Variants in FARP2 observed in about 807,000 individuals in gnomAD.
The protein encoded by FARP2 is FERM, ARH/RhoGEF and pleckstrin domain protein 2.
FARP2 carries 111 observed loss-of-function variants against 130.5 expected under a neutral mutation model. The ratio of observed to expected loss-of-function variants is 0.85; its 90% confidence interval spans 0.73 to 1.00. FARP2 has a LOEUF of 1.00. FARP2 is among the 50% of genes least tolerant of loss of function. The pLI is 0.00. For missense variants in FARP2, 1,385 were observed against 1,346.3 expected, an observed-to-expected ratio of 1.03 and a Z score of -0.45; for synonymous variants, 504 against 516.9, an observed-to-expected ratio of 0.98 and a Z score of 0.34.
intron 13 of FARP2, among the ~76,000 whole-genome samples, chr2:241,453,602 AAAG>A: frequency 6.6e-6 from 1 of 151,286 alleles, no homozygotes; most frequent in Non-Finnish European, 1.5e-5. Context: ...AGCCTGGGTG[AAAG>A]AGCGAGACTC....
intron 2 of FARP2, among the ~76,000 whole-genome samples, chr2:241,381,044 G>T (rs2150313003): frequency 6.6e-6 from 1 of 152,208 alleles, no homozygotes; most frequent in Non-Finnish European, 1.5e-5. Context: ...CTCTTCCAGG[G>T]CTGGAGATTA....
In FARP2 at chr2:241,494,314, C is replaced by T. The variant is rs566318860; in HGVS notation, c.*189C>T. ...TCATCCCCCCACCCAGGACCTAGTG[C>T]ATGCCAGCAGCTATCTGGGGCCCTG... On this transcript the variant is annotated 3_prime_UTR_variant, in exon 27 of 27. Coordinates refer to ENST00000264042, the MANE Select transcript of FARP2 (RefSeq NM_014808.4). This position sits in a 1 kb window ranked among gnomAD's most constrained non-coding sequence, Gnocchi z 4.9. 1.2e-5 allele frequency: 5 copies of T among 401,546 alleles called. No individual in the cohort carries two copies. Among genetic ancestry groups the T allele is most frequent in the South Asian group, 1.2e-4 (1 of 8,208 alleles). The allele number at this position is 401,546 out of a possible 1,614,324, so 24.9% of individuals were successfully genotyped here. A position where few individuals can be genotyped will look rare whatever the true frequency, so the allele number is the denominator to read the frequency against.
intron 13 of FARP2, 105 bp downstream of exon 13, chr2:241,441,661 A>G (rs2063387581): frequency 2.0e-6 from 3 of 1,489,712 alleles, no homozygotes; most frequent in African/African-American, 1.4e-5. Flanking sequence ...TAGGGAGCTC[A>G]GCGCTGCTTG....
intron 2 of FARP2, among the ~76,000 whole-genome samples, chr2:241,384,286 A>G (rs989603268): frequency 3.3e-5 from 5 of 152,294 alleles, no homozygotes; most frequent in South Asian, 2.1e-4. Context: ...TTCTATGCAC[A>G]TGAATGATGC....
At chr2:241,415,515 T>G (rs1239901699) in intron 7 of FARP2, among the ~76,000 whole-genome samples, 7 of 152,012 alleles carry the variant, frequency 4.6e-5, no homozygotes, top group Non-Finnish European at 5.9e-5. Flanking sequence ...CCCTAGTGGA[T>G]GGGTGGGTTT....
intron 1 of FARP2, among the ~76,000 whole-genome samples, chr2:241,367,073 G>A (rs2061334177): frequency 6.6e-6 from 1 of 152,080 alleles, no homozygotes; most frequent in South Asian, 2.1e-4. Flanking sequence ...GGTGTTTGAG[G>A]GACAGGGTTG....
intron 18 of FARP2, among the ~76,000 whole-genome samples, chr2:241,470,424 C>T (rs1176510879): frequency 6.6e-6 from 1 of 151,048 alleles, no homozygotes; most frequent in Non-Finnish European, 1.5e-5. Flanking sequence ...TGGGGATGCG[C>T]TCTGAAGGGA....
intron 26 of FARP2, 55 bp from the exon 27 acceptor site, chr2:241,493,953 G>A: frequency 8.8e-7 from 1 of 1,137,432 alleles, no homozygotes; most frequent in Non-Finnish European, 1.2e-6. Flanking sequence ...TTGTTCTTGG[G>A]ACAGTGTCTG....
At chr2:241,468,767 A>C (rs754857350) in intron 18 of FARP2, among the ~76,000 whole-genome samples, 3 of 152,232 alleles carry the variant, frequency 2.0e-5, no homozygotes, top group Non-Finnish European at 4.4e-5. Context: ...CCTGCTGCCT[A>C]TGGATGTTTC....
intron 21 of FARP2, among the ~76,000 whole-genome samples, chr2:241,487,488 C>T (rs1173965145): frequency 2.0e-5 from 3 of 151,140 alleles, no homozygotes; most frequent in Admixed American, 6.6e-5. Context: ...GCCAACAGGG[C>T]GAAACCCTGT....
At chr2:241,463,640 T>C (rs1432832582) in intron 16 of FARP2, 172 bp downstream of exon 16, 8 of 762,884 alleles carry the variant, frequency 1.0e-5, no homozygotes, top group Non-Finnish European at 1.7e-5. Flanking sequence ...TTATTCACCC[T>C]CTTCCAGAAA....
chr2:241,490,183 T>C, intron 22 of FARP2, 139 bp downstream of exon 22: 1 of 648,646 alleles, frequency 1.5e-6, no homozygotes, highest in Non-Finnish European at 2.8e-6. Context: ...CTCTGAGCTC[T>C]GCTTCCAAGT....
At chr2:241,361,448 A>G (rs915610459) in intron 1 of FARP2, among the ~76,000 whole-genome samples, 2 of 152,226 alleles carry the variant, frequency 1.3e-5, no homozygotes, top group African/African-American at 4.8e-5. Flanking sequence ...CCTTACGTGG[A>G]TCTCAAAAAT....
At chr2:241,484,821 T>G (rs760849091) in intron 21 of FARP2, among the ~76,000 whole-genome samples, 1 of 152,196 alleles carries the variant, frequency 6.6e-6, no homozygotes, top group Non-Finnish European at 1.5e-5. Context: ...AGAAATACTG[T>G]TCTCAGGTCA....
At chr2:241,396,914 G>A (rs2062044247) in intron 2 of FARP2, among the ~76,000 whole-genome samples, 1 of 152,158 alleles carries the variant, frequency 6.6e-6, no homozygotes, top group African/African-American at 2.4e-5. Context: ...ATTCACAATG[G>A]CAAAGACTTG....
intron 4 of FARP2, among the ~76,000 whole-genome samples, chr2:241,405,579 ATAAAC>A (rs2062311882): frequency 6.6e-6 from 1 of 152,232 alleles, no homozygotes; most frequent in South Asian, 2.1e-4. Context: ...TTTTATACCA[ATAAAC>A]TAAGATAATG....
chr2:241,488,059 C>T (rs2064801568), intron 21 of FARP2: 1 of 152,102 alleles, frequency 6.6e-6, no homozygotes, highest in African/African-American at 2.4e-5. Context: ...TAAATGTGCT[C>T]AGAACATACA....
At chr2:241,468,484 C>A in intron 18 of FARP2, 107 bp downstream of exon 18, 1 of 797,700 alleles carries the variant, frequency 1.3e-6, no homozygotes, top group Non-Finnish European at 2.1e-6. Flanking sequence ...GCGCAGGAGT[C>A]CACCCCATTA....
intron 2 of FARP2, among the ~76,000 whole-genome samples, chr2:241,397,345 A>G (rs1033942921): frequency 1.3e-5 from 2 of 152,192 alleles, no homozygotes; most frequent in African/African-American, 4.8e-5. Context: ...AATAATAAAA[A>G]TAAATAAATA....
Sources: gnomAD v4.1 joint callset for allele counts (sites outside exome capture counted in the v4.1 genomes callset) on GRCh38, gnomAD v4.1.1 for gene constraint, Gnocchi (gnomAD v3.1) non-coding constraint, MANE v1.5 for transcripts, NCBI Gene and HGNC (gene_info 2026-07-23, HGNC 2026-07-21) for gene names.